Variants in SMIM14 observed in about 807,000 individuals in gnomAD.
The protein encoded by SMIM14 is small integral membrane protein 14, also known as chromosome 4 open reading frame 34.
A neutral mutation model predicts 12.6 loss-of-function variants in SMIM14; 5 were observed. The observed-to-expected ratio is 0.40, with a 90% CI of 0.21 to 0.83. The LOEUF is 0.83. Among genes scored for constraint, SMIM14 ranks in the 40% least tolerant of loss-of-function variants. The probability of loss-of-function intolerance (pLI) is 0.37; values close to 1 mark genes in which losing one functional copy is unlikely to be tolerated. For synonymous variants in SMIM14, 30 were observed against 40.1 expected, an observed-to-expected ratio of 0.75 and a Z score of 0.95; for missense variants, 86 against 119.1, an observed-to-expected ratio of 0.72 and a Z score of 1.29.
chr4:39,576,680 ATATATTTTTTTTTTTTTTTTT>A (rs1560289747), intron 2 of SMIM14, among the ~76,000 whole-genome samples: 4 of 30,628 alleles, frequency 1.3e-4, no homozygotes, highest in African/African-American at 4.2e-4. Flanking sequence ...ATATATATAT[ATATATTTTTTTTTTTTTTTTT>A]TTTTTTTTTT....
At chr4:39,574,532 A>G (rs1030301156) in intron 2 of SMIM14, among the ~76,000 whole-genome samples, 2 of 151,952 alleles carry the variant, frequency 1.3e-5, no homozygotes, top group Non-Finnish European at 2.9e-5. Context: ...CGTGAGCCAC[A>G]GCACCTGGCC....
At position 39,548,433 on chromosome 4, in the gene SMIM14, G is replaced by T. The variant is rs1166805962; in HGVS notation, c.*3693C>A. ...AGTCTCAAACTCCTGGGCTCAAGCA[G>T]TTCTTGCCTCAGCCTCCCAAATTGC... On this transcript the variant is annotated 3_prime_UTR_variant, in exon 5 of 5. Coordinates refer to ENST00000295958, the MANE Select transcript of SMIM14 (RefSeq NM_174921.3). 2 of 149,942 alleles carry T rather than the reference G, an allele frequency of 1.3e-5. No homozygotes were observed. The highest frequency in any genetic ancestry group is 3.0e-5 in the Non-Finnish European group (2 of 67,552). The allele number at this position is 149,942 out of a possible 1,614,324, so 9.3% of individuals were successfully genotyped here. A position where few individuals can be genotyped will look rare whatever the true frequency, so the allele number is the denominator to read the frequency against.
At chr4:39,610,803 A>G (rs1166066122) in intron 1 of SMIM14, among the ~76,000 whole-genome samples, 2 of 152,062 alleles carry the variant, frequency 1.3e-5, no homozygotes, top group East Asian at 3.8e-4. Flanking sequence ...CAATTTTTAC[A>G]TTTCTTATGA....
At chr4:39,637,888 C>A (rs1266372958) in intron 1 of SMIM14, among the ~76,000 whole-genome samples, 1 of 152,230 alleles carries the variant, frequency 6.6e-6, no homozygotes, top group Non-Finnish European at 1.5e-5. Context: ...AAGGTCTCTT[C>A]TGCAAATGTA....
rs943451304 is a variant in SMIM14 at position 39,605,192 on chromosome 4, G to A, written c.-35-12C>T. Reference sequence around the variant, plus strand: ...TTGACTGTTTAAATCTAGGAGGAAGGAAAAAATACTGTTAAGTCTACAATT... The same window carrying A: ...TTGACTGTTTAAATCTAGGAGGAAGAAAAAAATACTGTTAAGTCTACAATT... On this transcript the variant is annotated splice_polypyrimidine_tract_variant and intron_variant, in intron 1 of 4. Coordinates refer to ENST00000295958, the MANE Select transcript of SMIM14 (RefSeq NM_174921.3). 17 of 1,456,492 alleles carry A rather than the reference G, an allele frequency of 1.2e-5. No individual in the cohort carries two copies. The African/African-American group carries it at 1.6e-4, about 13-fold the overall frequency. 90.2% of individuals were successfully genotyped at this position (1,456,492 alleles called of 1,614,324 possible). A position where few individuals can be genotyped will look rare whatever the true frequency, so the allele number is the denominator to read the frequency against.
At chr4:39,638,431 C>T (rs564006687) in intron 1 of SMIM14, 4 of 982,292 alleles carry the variant, frequency 4.1e-6, no homozygotes, top group East Asian at 1.1e-4. Context: ...CGCCTCCACC[C>T]GTCGACAATC....
chr4:39,556,481 G>T lies in SMIM14; in HGVS notation c.214C>A (p.Pro72Thr). 6.2e-7 allele frequency: 1 copy of T among 1,613,848 alleles called. No individual in the cohort carries two copies. The change falls in exon 4 of 5, where the codon CCT (proline) becomes ACT (threonine). Residue 72 changes from proline (P) to threonine (T), a missense_variant. Pro to Thr is a conservative substitution (Grantham distance 38). Coordinates refer to ENST00000295958, the MANE Select transcript of SMIM14 (RefSeq NM_174921.3). ...AGGCTGGATCCTCTTAGATTAGGAG[G>T]TCTCAGTAAGAACAAGATCAATGCA... ...VIALILFLLR[P>T]PNLRGSSLPG...
chr4:39,621,186 T>TA (rs1386801366), intron 1 of SMIM14: 1 of 152,004 alleles, frequency 6.6e-6, no homozygotes, highest in Non-Finnish European at 1.5e-5. Context: ...AAGGACCCCC[T>TA]ACAGATACAT....
intron 2 of SMIM14, among the ~76,000 whole-genome samples, chr4:39,599,783 A>T (rs4501235): frequency 6.6e-6 from 1 of 151,918 alleles, no homozygotes; most frequent in Non-Finnish European, 1.5e-5. Context: ...TTAGCTGGGC[A>T]TGGTAGCGCG....
Position 39,618,081 on chromosome 4 carries a change from G to A in SMIM14, c.-35-12901C>T, listed in dbSNP as rs1367823027. The stretch of plus-strand genomic sequence containing the variant: ...AAGAGAGAATATTACTCCTGCCAAA[G>A]CAAGCCCACTTCTTCAGAAATAACA... On this transcript the variant is annotated intron_variant, in intron 1 of 4. Coordinates refer to ENST00000295958, the MANE Select transcript of SMIM14 (RefSeq NM_174921.3). 6.4e-4 allele frequency among the ~76,000 whole-genome samples: 97 copies of A among 152,102 alleles called. 2 individuals are homozygous for A. Among genetic ancestry groups the A allele is most frequent in the Admixed American group, 6.4e-3 (97 of 15,250 alleles).
At chr4:39,598,627 C>T (rs371748389) in intron 2 of SMIM14, among the ~76,000 whole-genome samples, 19 of 152,264 alleles carry the variant, frequency 1.2e-4, no homozygotes, top group Admixed American at 5.9e-4. Flanking sequence ...ACTACATAAA[C>T]GTTCACAGTT....
intron 2 of SMIM14, among the ~76,000 whole-genome samples, chr4:39,584,498 A>AAAAAAAAAAAAAAAAAAAAAAAAC: frequency 7.0e-6 from 1 of 142,238 alleles, no homozygotes; most frequent in Non-Finnish European, 1.5e-5. Flanking sequence ...AAAAAAAAAA[A>AAAAAAAAAAAAAAAAAAAAAAAAC]AAAAAAAGAC....
chr4:39,604,406 A>G (rs1237011027), intron 2 of SMIM14, among the ~76,000 whole-genome samples: 2 of 151,128 alleles, frequency 1.3e-5, no homozygotes, highest in Non-Finnish European at 3.0e-5. Flanking sequence ...GCGTGGTGGC[A>G]CACTCCTGTA....
At chr4:39,631,391 G>T (rs1715891040) in intron 1 of SMIM14, among the ~76,000 whole-genome samples, 2 of 151,360 alleles carry the variant, frequency 1.3e-5, no homozygotes, top group Admixed American at 1.3e-4. Flanking sequence ...GGGTGCAGTG[G>T]CTCATGCCTA....
intron 3 of SMIM14, among the ~76,000 whole-genome samples, chr4:39,561,645 C>A (rs1017351704): frequency 2.0e-5 from 3 of 151,738 alleles, no homozygotes; most frequent in Non-Finnish European, 4.4e-5. Flanking sequence ...TCACGCCGGG[C>A]ACGGTGGCTC....
At chr4:39,608,959 G>T (rs1235426463) in intron 1 of SMIM14, among the ~76,000 whole-genome samples, 1 of 152,044 alleles carries the variant, frequency 6.6e-6, no homozygotes, top group Non-Finnish European at 1.5e-5. Context: ...AAAAGACACT[G>T]TAATGTACAT....
intron 1 of SMIM14, among the ~76,000 whole-genome samples, chr4:39,625,020 C>T (rs2110078144): frequency 6.7e-6 from 1 of 150,254 alleles, no homozygotes; most frequent in Admixed American, 6.7e-5. Flanking sequence ...GCCTGGCCAA[C>T]AAGATGAAAC....
chr4:39,595,608 A>AT (rs71192880), intron 2 of SMIM14, among the ~76,000 whole-genome samples: 2,047 of 135,518 alleles, frequency 0.015, 36 homozygotes, highest in African/African-American at 0.029. Context: ...TGTAACTACG[A>AT]TTTTTTTTTT....
At chr4:39,553,285 A>G (rs771427982) in intron 4 of SMIM14, among the ~76,000 whole-genome samples, 2 of 151,610 alleles carry the variant, frequency 1.3e-5, no homozygotes, top group South Asian at 4.2e-4. Flanking sequence ...CTGGTCTCCA[A>G]CTCCTGACCT....
Sources: allele counts gnomAD v4.1 joint callset (sites outside exome capture counted in the v4.1 genomes callset), GRCh38; gene constraint gnomAD v4.1.1; transcripts MANE v1.5; gene names NCBI Gene and HGNC (gene_info 2026-07-23, HGNC 2026-07-21).